The following TMEM266 variants were observed in gnomAD, a reference collection of about 807,000 sequenced individuals.
TMEM266 encodes Hv1 related protein 1.
TMEM266 carries 33 observed loss-of-function variants against 50.5 expected under a neutral mutation model. The observed-to-expected ratio is 0.65, with a 90% CI of 0.50 to 0.87. The LOEUF (loss-of-function observed/expected upper bound fraction) is 0.87. Among genes scored for constraint, TMEM266 ranks in the 40% least tolerant of loss-of-function variants. The pLI, the probability that TMEM266 is intolerant of heterozygous loss-of-function variation, is 0.00. For missense variants in TMEM266, 655 were observed against 695.1 expected, an observed-to-expected ratio of 0.94 and a Z score of 0.65; for synonymous variants, 310 against 292.3, an observed-to-expected ratio of 1.06 and a Z score of -0.62.
intron 1 of TMEM266, among the ~76,000 whole-genome samples, chr15:76,083,148 G>C (rs2036720870): frequency 6.6e-6 from 1 of 151,936 alleles, no homozygotes. Context: ...ATGAGATTTG[G>C]AGAGGACAAA....
At position 76,168,619 on chromosome 15, in the gene TMEM266, C is replaced by T. The variant is rs909293746; in HGVS notation, c.457-1197C>T. 6.6e-6 allele frequency among the ~76,000 whole-genome samples: 1 copy of T among 152,224 alleles called. No individual in the cohort carries two copies. The highest frequency in any genetic ancestry group is 2.4e-5 in the African/African-American group (1 of 41,456). ...GTGAGGAAACCGCTCCTGAAGGCAG[C>T]ACCATTCGGGAATTATTCCTTCATG... is the stretch of plus-strand genomic sequence containing the variant. On this transcript the variant is annotated intron_variant, in intron 5 of 10. Transcript: ENST00000388942. The surrounding 1 kb of genome is among the most constrained non-coding windows in gnomAD (Gnocchi z 4.4).
chr15:76,133,167 C>T (rs2037538620), intron 1 of TMEM266, among the ~76,000 whole-genome samples: 1 of 151,760 alleles, frequency 6.6e-6, no homozygotes, highest in Admixed American at 6.6e-5. Context: ...GGCGCGGTGG[C>T]TCACGCCTGT....
At chr15:76,143,965 A>G (rs1295776503) in intron 3 of TMEM266, among the ~76,000 whole-genome samples, 1 of 152,100 alleles carries the variant, frequency 6.6e-6, no homozygotes, top group African/African-American at 2.4e-5. Flanking sequence ...CAGAATCCTG[A>G]TGAGTGTCTG....
In TMEM266 at chr15:76,162,697, T is replaced by C. The variant is rs557497758; in HGVS notation, c.456+2529T>C. Among the ~76,000 whole-genome samples, 7 of 152,286 alleles carry C rather than the reference T, an allele frequency of 4.6e-5. No homozygotes were observed. In the South Asian group the frequency reaches 1.5e-3, roughly 32 times the overall value. On this transcript the variant is annotated intron_variant, in intron 5 of 10. Coordinates refer to ENST00000388942, the MANE Select transcript of TMEM266 (RefSeq NM_152335.3). The stretch of plus-strand genomic sequence containing the variant: ...GTCTCTTGCCCCTGACTGCATCCTT[T>C]GGAGGCCCTGAAGCTGGCAGGGTGG...
chr15:76,126,580 G>A (rs1172440817), intron 1 of TMEM266, among the ~76,000 whole-genome samples: 1 of 151,418 alleles, frequency 6.6e-6, no homozygotes, highest in Non-Finnish European at 1.5e-5. Context: ...CGCCCAGGCT[G>A]GAGTGCAGTG....
chr15:76,080,022 TG>T (rs1357854606), intron 1 of TMEM266, among the ~76,000 whole-genome samples: 1 of 151,740 alleles, frequency 6.6e-6, no homozygotes, highest in Non-Finnish European at 1.5e-5. Context: ...TGGCAGTAAT[TG>T]AGAGGCCACC....
chr15:76,167,439 T>C (rs1161419807), intron 5 of TMEM266, among the ~76,000 whole-genome samples: 1 of 140,770 alleles, frequency 7.1e-6, no homozygotes, highest in Non-Finnish European at 1.5e-5. Flanking sequence ...CACTGCACTC[T>C]AACCTGGGCG....
At position 76,153,595 on chromosome 15, in the gene TMEM266, C is replaced by A. The variant is rs1347028234; in HGVS notation, c.228-3009C>A. On this transcript the variant is annotated intron_variant, in intron 3 of 10. Transcript: ENST00000388942. This position sits in a 1 kb window ranked among gnomAD's most constrained non-coding sequence, Gnocchi z 4.2. ...GGCCCTAGAAAAGACCATGCTAGAG[C>A]TGTGGGGGAGGAGTGAGCAGGCAGA... is the stretch of plus-strand genomic sequence containing the variant. Among the ~76,000 whole-genome samples, 1 of 152,016 alleles carries A rather than the reference C, an allele frequency of 6.6e-6. No homozygotes were observed. Among genetic ancestry groups the A allele is most frequent in the African/African-American group, 2.4e-5 (1 of 41,384 alleles).
At chr15:76,154,709 A>T (rs1567169503) in intron 3 of TMEM266, among the ~76,000 whole-genome samples, 1 of 152,116 alleles carries the variant, frequency 6.6e-6, no homozygotes. Context: ...ACTGGACACC[A>T]GTCTTTGCAT....
chr15:76,131,219 T>G (rs774395283), intron 1 of TMEM266, among the ~76,000 whole-genome samples: 32 of 152,166 alleles, frequency 2.1e-4, no homozygotes, highest in Admixed American at 1.8e-3. Flanking sequence ...ACACAAAAAT[T>G]AGCCAGGCGT....
intron 5 of TMEM266, among the ~76,000 whole-genome samples, chr15:76,164,850 G>T (rs2038069497): frequency 6.6e-6 from 1 of 152,150 alleles, no homozygotes; most frequent in African/African-American, 2.4e-5. Flanking sequence ...TGGCTGGCGG[G>T]CCCCACATGG....
chr15:76,145,664 T>C (rs1245419920), intron 3 of TMEM266, among the ~76,000 whole-genome samples: 1 of 152,264 alleles, frequency 6.6e-6, no homozygotes, highest in East Asian at 1.9e-4. Flanking sequence ...CATCCACAGC[T>C]TTTAAGGAAG....
intron 1 of TMEM266, among the ~76,000 whole-genome samples, chr15:76,129,946 A>G (rs911643511): frequency 1.2e-4 from 18 of 152,234 alleles, no homozygotes; most frequent in African/African-American, 3.4e-4. Context: ...AATCCTGGCC[A>G]GGCATGGTGG....
intron 8 of TMEM266, among the ~76,000 whole-genome samples, chr15:76,181,668 G>A (rs1244633419): frequency 6.6e-6 from 1 of 152,160 alleles, no homozygotes; most frequent in African/African-American, 2.4e-5. Context: ...GCTAGAGGCT[G>A]CCCTTCAGAG....
intron 1 of TMEM266, among the ~76,000 whole-genome samples, chr15:76,067,950 C>A (rs2036464322): frequency 6.6e-6 from 1 of 152,108 alleles, no homozygotes; most frequent in Non-Finnish European, 1.5e-5. Flanking sequence ...CTGCTTCTGA[C>A]CATAAAGCCA....
At chr15:76,100,133 T>C (rs1186603902) in intron 1 of TMEM266, among the ~76,000 whole-genome samples, 2 of 152,106 alleles carry the variant, frequency 1.3e-5, no homozygotes, top group African/African-American at 2.4e-5. Context: ...CACTGCCTCA[T>C]ACGACATTCT....
chr15:76,063,884 A>G (rs1261164945), intron 1 of TMEM266, among the ~76,000 whole-genome samples: 2 of 152,192 alleles, frequency 1.3e-5, no homozygotes, highest in South Asian at 4.1e-4. Flanking sequence ...GTTTGGGGGA[A>G]CAGCAAGAAA....
intron 3 of TMEM266, among the ~76,000 whole-genome samples, chr15:76,150,947 C>T (rs2037832516): frequency 1.3e-5 from 2 of 152,320 alleles, no homozygotes; most frequent in South Asian, 4.2e-4. Context: ...TCAGCCTCCC[C>T]TCCCACCCCA....
intron 5 of TMEM266, among the ~76,000 whole-genome samples, chr15:76,163,760 C>T (rs2038051840): frequency 6.6e-6 from 1 of 152,130 alleles, no homozygotes; most frequent in Non-Finnish European, 1.5e-5. Flanking sequence ...CTGGAAAGGC[C>T]CAGGCAGCCC....
Sources: gnomAD v4.1 joint callset for allele counts (sites outside exome capture counted in the v4.1 genomes callset) on GRCh38, gnomAD v4.1.1 for gene constraint, Gnocchi (gnomAD v3.1) non-coding constraint, MANE v1.5 for transcripts, NCBI Gene and HGNC (gene_info 2026-07-23, HGNC 2026-07-21) for gene names.